Variants in NECTIN1 observed in about 807,000 individuals in gnomAD.
The protein encoded by NECTIN1 is nectin-1.
NECTIN1 carries 23 observed loss-of-function variants against 48.0 expected under a neutral mutation model. The ratio of observed to expected loss-of-function variants is 0.48; its 90% CI spans 0.34 to 0.68. The LOEUF (loss-of-function observed/expected upper bound fraction) is 0.68. Ranked by LOEUF, NECTIN1 falls within the 30% of genes least tolerant of loss-of-function variation. NECTIN1 has a pLI of 0.01. For missense variants in NECTIN1, 591 were observed against 709.9 expected (o/e 0.83, Z 1.90); for synonymous variants, 270 against 288.9 (o/e 0.93, Z 0.66).
chr11:119,714,981 T>C (rs1694920168), intron 1 of NECTIN1, among the ~76,000 whole-genome samples: 1 of 152,048 alleles, frequency 6.6e-6, no homozygotes, highest in Non-Finnish European at 1.5e-5. Context: ...CGAGGCTGTC[T>C]GTAAATGCCT....
rs115885169 is a variant in NECTIN1 at position 119,686,705 on chromosome 11, A to T, written c.80-7940T>A. ...GCGAAAACCGCACCACTCCCCCGTT[A>T]CCTGCGCAAGTCCTTTTCATTCTTC... On this transcript the variant is annotated intron_variant, in intron 1 of 5. Coordinates refer to ENST00000264025, the MANE Select transcript of NECTIN1 (RefSeq NM_002855.5). 4.2e-3 allele frequency among the ~76,000 whole-genome samples: 642 copies of T among 152,226 alleles called. 8 individuals carry two copies. Among genetic ancestry groups the T allele is most frequent in the African/African-American group, 0.014 (597 of 41,528 alleles).
At chr11:119,706,189 A>T (rs1305611761) in intron 1 of NECTIN1, among the ~76,000 whole-genome samples, 1 of 152,148 alleles carries the variant, frequency 6.6e-6, no homozygotes, top group Non-Finnish European at 1.5e-5. Flanking sequence ...ACACACAGAG[A>T]TCAAATAACT....
intron 1 of NECTIN1, among the ~76,000 whole-genome samples, chr11:119,693,931 C>T (rs539448078): frequency 6.6e-6 from 1 of 152,280 alleles, no homozygotes; most frequent in Admixed American, 6.5e-5. Flanking sequence ...CTCAGAAAGG[C>T]CCCTACCACT....
chr11:119,657,145 A>T (rs1864588896), downstream of NECTIN1, among the ~76,000 whole-genome samples: 1 of 152,212 alleles, frequency 6.6e-6, no homozygotes, highest in South Asian at 2.1e-4. Context: ...AACAATAAAT[A>T]GCATTGTTCG....
At chr11:119,680,060 G>A (rs1341965411) in intron 1 of NECTIN1, among the ~76,000 whole-genome samples, 1 of 152,238 alleles carries the variant, frequency 6.6e-6, no homozygotes, top group Non-Finnish European at 1.5e-5. Flanking sequence ...GCAGATGCTA[G>A]TAAATATTTG....
chr11:119,677,967 A>G lies in NECTIN1; in HGVS notation c.431-110T>C, dbSNP rs1864989211. 2 of 1,089,396 alleles carry G rather than the reference A, an allele frequency of 1.8e-6. No individual in the cohort carries two copies. The highest frequency in any genetic ancestry group is 1.5e-5 in the African/African-American group (1 of 64,652). 67.5% of individuals were successfully genotyped at this position (1,089,396 alleles called of 1,614,324 possible). A position where few individuals can be genotyped will look rare whatever the true frequency, so the allele number is the denominator to read the frequency against. ...GCCTTGTCTTCAGGTCCCCTTGGCC[A>G]TCCCTGCCTCTCAGCTGTGCTGCAC... On this transcript the variant is annotated intron_variant, in intron 2 of 5. Coordinates refer to ENST00000264025, the MANE Select transcript of NECTIN1 (RefSeq NM_002855.5). The surrounding 1 kb of genome is among the most constrained non-coding windows in gnomAD (Gnocchi z 5.4).
At position 119,662,958 on chromosome 11, in the gene NECTIN1, C is replaced by G. The variant is rs552243287; in HGVS notation, c.*1789G>C. The G allele has an allele frequency of 2.1e-5, 21 of 985,802 alleles. No individual in the cohort carries two copies. In the African/African-American group the frequency reaches 3.5e-4, roughly 16 times the overall value. 61.1% of individuals were successfully genotyped at this position (985,802 alleles called of 1,614,324 possible). A position where few individuals can be genotyped will look rare whatever the true frequency, so the allele number is the denominator to read the frequency against. ...GGGCCAGACAACGACGACCCACCTG[C>G]TGGGCCCAGGGTTGCCAGGGCAGAA... On this transcript the variant is annotated 3_prime_UTR_variant, in exon 6 of 6. Coordinates refer to ENST00000264025, the MANE Select transcript of NECTIN1 (RefSeq NM_002855.5). The surrounding 1 kb of genome is among the most constrained non-coding windows in gnomAD (Gnocchi z 5.3).
chr11:119,675,407 T>C lies in NECTIN1; in HGVS notation c.852-97A>G. On this transcript the variant is annotated intron_variant, in intron 4 of 5. Coordinates refer to ENST00000264025, the MANE Select transcript of NECTIN1 (RefSeq NM_002855.5). ...CTTGGCTCCAGGCCCCCTAGCCTTT[T>C]GCTGAGCTTGTGTGGTAGAGTCTGT... is the stretch of plus-strand genomic sequence containing the variant. The C allele has an allele frequency of 3.2e-6, 4 of 1,267,370 alleles. No homozygotes were observed. The South Asian group carries it at 4.8e-5, about 15-fold the overall frequency. 78.5% of individuals were successfully genotyped at this position (1,267,370 alleles called of 1,614,324 possible).
chr11:119,717,186 C>T (rs991615664), intron 1 of NECTIN1, among the ~76,000 whole-genome samples: 10 of 152,242 alleles, frequency 6.6e-5, no homozygotes, highest in African/African-American at 2.4e-4. Flanking sequence ...CATCACCGCC[C>T]CTTCAGGACT....
chr11:119,682,042 A>G (rs1283309995), intron 1 of NECTIN1, among the ~76,000 whole-genome samples: 1 of 152,044 alleles, frequency 6.6e-6, no homozygotes, highest in East Asian at 1.9e-4. Flanking sequence ...GAAGATTGGA[A>G]AGGCCTAAAA....
rs1028216139 is a variant in NECTIN1, at chr11:119,663,767, G to T, written c.*980C>A. 34 of 985,380 alleles carry T rather than the reference G, an allele frequency of 3.5e-5. No homozygotes were observed. Among genetic ancestry groups the T allele is most frequent in the Non-Finnish European group, 4.0e-5 (33 of 829,970 alleles). The allele number at this position is 985,380 out of a possible 1,614,324, so 61.0% of individuals were successfully genotyped here. ...AAGAAGCAGTTTGGGGCAGGCCTGA[G>T]ATCCTAGGGTGGAGGCACCGGGGAC... On this transcript the variant is annotated 3_prime_UTR_variant, in exon 6 of 6. Coordinates refer to ENST00000264025, the MANE Select transcript of NECTIN1 (RefSeq NM_002855.5).
At chr11:119,685,376 G>T (rs1865138636) in intron 1 of NECTIN1, among the ~76,000 whole-genome samples, 2 of 152,234 alleles carry the variant, frequency 1.3e-5, no homozygotes, top group African/African-American at 4.8e-5. Context: ...GGAGAGGAGG[G>T]GGCACGGCGG....
chr11:119,698,492 A>G (rs1463596173), intron 1 of NECTIN1, among the ~76,000 whole-genome samples: 4 of 152,192 alleles, frequency 2.6e-5, no homozygotes, highest in African/African-American at 9.7e-5. Context: ...GGGAAGCACA[A>G]TCTGTCCCAT....
chr11:119,726,911 G>A (rs551967941), intron 1 of NECTIN1, among the ~76,000 whole-genome samples: 2 of 152,090 alleles, frequency 1.3e-5, no homozygotes, highest in Non-Finnish European at 2.9e-5. Flanking sequence ...TGTATCTCTG[G>A]CTGGCTTCCC....
At chr11:119,638,853 G>T (rs1255808601) in intron 6 of NECTIN1, 1 of 1,518,114 alleles carries the variant, frequency 6.6e-7, no homozygotes, top group Non-Finnish European at 9.1e-7. Flanking sequence ...ACACATGGGG[G>T]CTCTCCCCAT....
chr11:119,704,305 C>T (rs1045634849), intron 1 of NECTIN1, among the ~76,000 whole-genome samples: 11 of 152,214 alleles, frequency 7.2e-5, no homozygotes, highest in Non-Finnish European at 1.5e-4. Flanking sequence ...TCACTGCAAC[C>T]TCCACCTCCC....
downstream of NECTIN1, among the ~76,000 whole-genome samples, chr11:119,657,278 C>T (rs186015103): frequency 6.8e-4 from 103 of 152,230 alleles, no homozygotes; most frequent in Non-Finnish European, 1.2e-3. Context: ...CCTCTTCCTC[C>T]ACGCTGGCTG....
intron 1 of NECTIN1, among the ~76,000 whole-genome samples, chr11:119,692,150 A>G (rs1160117816): frequency 6.6e-6 from 1 of 152,052 alleles, no homozygotes; most frequent in African/African-American, 2.4e-5. Flanking sequence ...CGAATCTATC[A>G]GGAGCCTCGC....
chr11:119,661,056 C>T lies in NECTIN1; in HGVS notation c.*3691G>A. 1.0e-6 allele frequency: 1 copy of T among 979,598 alleles called. No individual in the cohort carries two copies. Among genetic ancestry groups the T allele is most frequent in the Non-Finnish European group, 1.2e-6 (1 of 824,290 alleles). 60.7% of individuals were successfully genotyped at this position (979,598 alleles called of 1,614,324 possible). A position where few individuals can be genotyped will look rare whatever the true frequency, so the allele number is the denominator to read the frequency against. On this transcript the variant is annotated 3_prime_UTR_variant, in exon 6 of 6. Transcript: ENST00000264025. ...AATCCTCAGTACATTTTCAACCCAT[C>T]ATTTTTTTTTAATACAAGTAAAAGG...
Sources: allele counts gnomAD v4.1 joint callset (sites outside exome capture counted in the v4.1 genomes callset), GRCh38; gene constraint gnomAD v4.1.1; non-coding constraint Gnocchi (gnomAD v3.1); transcripts MANE v1.5; gene names NCBI Gene and HGNC (gene_info 2026-07-23, HGNC 2026-07-21).